The following FAM169A variants were observed in gnomAD, a reference collection of about 807,000 sequenced individuals.
FAM169A encodes family with sequence similarity 169 member A, also known as soluble lamin-associated protein of 75 kDa.
In FAM169A, 24 loss-of-function variants were observed where a neutral mutation model predicts 75.7. That is an observed-to-expected ratio of 0.32 (90% confidence interval 0.23 to 0.45). The LOEUF is 0.45. FAM169A is among the 20% of genes least tolerant of loss of function. FAM169A has a pLI of 1.00. For missense variants in FAM169A, 673 were observed against 784.0 expected (o/e 0.86, Z 1.69); for synonymous variants, 271 against 271.0 (o/e 1.00, Z 0.00).
chr5:74,852,374 A>G (rs1425183167), intron 1 of FAM169A, among the ~76,000 whole-genome samples: 1 of 152,212 alleles, frequency 6.6e-6, no homozygotes, highest in African/African-American at 2.4e-5. Flanking sequence ...TTATTTACCC[A>G]GATTCAGTAC....
intron 1 of FAM169A, among the ~76,000 whole-genome samples, chr5:74,863,558 T>G (rs1241191149): frequency 2.6e-5 from 4 of 152,246 alleles, no homozygotes; most frequent in African/African-American, 9.6e-5. Context: ...AACTCTCTTA[T>G]GTTGTACTTA....
intron 5 of FAM169A, among the ~76,000 whole-genome samples, chr5:74,826,637 A>T (rs747366085): frequency 2.7e-4 from 41 of 152,174 alleles, no homozygotes; most frequent in Non-Finnish European, 5.1e-4. Flanking sequence ...GTTGACTTTT[A>T]AAAAACTATT....
intron 6 of FAM169A, among the ~76,000 whole-genome samples, chr5:74,811,184 A>G (rs1490822713): frequency 1.3e-5 from 2 of 152,058 alleles, no homozygotes; most frequent in African/African-American, 2.4e-5. Flanking sequence ...GAATTTCACC[A>G]TGTTGGCCAG....
rs1334921286 is a variant in FAM169A at position 74,778,915 on chromosome 5, T to G, written c.*2545A>C. 6.6e-6 allele frequency: 1 copy of G among 152,100 alleles called. No individual in the cohort carries two copies. Among genetic ancestry groups the G allele is most frequent in the African/African-American group, 2.4e-5 (1 of 41,456 alleles). The allele number at this position is 152,100 out of a possible 1,614,324, so 9.4% of individuals were successfully genotyped here. On this transcript the variant is annotated 3_prime_UTR_variant, in exon 13 of 13. Coordinates refer to ENST00000687041, the MANE Select transcript of FAM169A (RefSeq NM_001376049.1). ...ATTTTTTCTAATGCCTTGCAAAAACTACAGATAACTGATTAAGTTCATGTA... is the reference window on the plus strand; with the variant it reads ...ATTTTTTCTAATGCCTTGCAAAAACGACAGATAACTGATTAAGTTCATGTA...
intron 1 of FAM169A, among the ~76,000 whole-genome samples, chr5:74,851,080 T>C (rs1238301113): frequency 6.6e-6 from 1 of 152,176 alleles, no homozygotes; most frequent in Non-Finnish European, 1.5e-5. Context: ...CACACCCAGC[T>C]AAGTTTTTTA....
At chr5:74,785,045 G>A (rs1745625992) in intron 11 of FAM169A, among the ~76,000 whole-genome samples, 1 of 152,118 alleles carries the variant, frequency 6.6e-6, no homozygotes, top group Non-Finnish European at 1.5e-5. Flanking sequence ...AAAAAGGCCA[G>A]GCACCGTGGC....
intron 6 of FAM169A, among the ~76,000 whole-genome samples, chr5:74,813,205 T>C (rs569359491): frequency 1.5e-3 from 230 of 152,166 alleles, no homozygotes; most frequent in Non-Finnish European, 2.9e-3. Context: ...GGGTTTCTTT[T>C]TGGAGTGATA....
At chr5:74,813,790 CG>C (rs1561303151) in intron 6 of FAM169A, 49 bp downstream of exon 6, 1 of 1,337,860 alleles carries the variant, frequency 7.5e-7, no homozygotes, top group African/African-American at 1.5e-5. Flanking sequence ...AGAAACAAGT[CG>C]GAAGTGACAC....
chr5:74,787,154 G>A (rs567211466), intron 11 of FAM169A, among the ~76,000 whole-genome samples: 1 of 152,314 alleles, frequency 6.6e-6, no homozygotes, highest in South Asian at 2.1e-4. Context: ...GCAGGAATCT[G>A]GAGAACAGGT....
chr5:74,825,569 A>G (rs747419185), intron 5 of FAM169A, among the ~76,000 whole-genome samples: 2 of 152,014 alleles, frequency 1.3e-5, no homozygotes, highest in Non-Finnish European at 2.9e-5. Flanking sequence ...ATCTTAGGAG[A>G]GCACAAACTC....
chr5:74,826,129 C>A (rs1190535393), intron 5 of FAM169A, among the ~76,000 whole-genome samples: 1 of 152,128 alleles, frequency 6.6e-6, no homozygotes, highest in Admixed American at 6.6e-5. Flanking sequence ...TCCTCCAACT[C>A]TATTGGATTT....
rs145981066 is a variant in FAM169A, at chr5:74,792,949, A to G, written c.1260+3081T>C. Among the ~76,000 whole-genome samples, 619 of 152,354 alleles carry G rather than the reference A, an allele frequency of 4.1e-3. 9 individuals carry two copies. Among genetic ancestry groups the G allele is most frequent in the African/African-American group, 0.014 (581 of 41,576 alleles). ...ATATGAAAAAGACACTTGCACATGC[A>G]TGTTTATAGCAGCACAATTTGCAAC... On this transcript the variant is annotated intron_variant, in intron 11 of 12. Coordinates refer to ENST00000687041, the MANE Select transcript of FAM169A (RefSeq NM_001376049.1).
rs768881317 is a variant in FAM169A, at chr5:74,813,880, C to G, written c.630G>C (p.Ala210=). The G allele has an allele frequency of 2.5e-6, 4 of 1,602,362 alleles. No individual in the cohort carries two copies. Among genetic ancestry groups the G allele is most frequent in the Non-Finnish European group, 3.4e-6 (4 of 1,176,728 alleles). The stretch of plus-strand genomic sequence containing the variant: ...AAGACAGTGGATACCGCAAGCCAAG[C>G]GCATCTTCTGTAAAGGAATCAACAA... ...EDFVDSFTED[A]LGLRYPLSSL... Residue 210 remains alanine (A), a synonymous_variant, in exon 6 of 13, where the codon GCG becomes GCC. Coordinates refer to ENST00000687041, the MANE Select transcript of FAM169A (RefSeq NM_001376049.1).
chr5:74,800,464 G>T (rs1188476619), intron 10 of FAM169A, among the ~76,000 whole-genome samples: 2 of 152,048 alleles, frequency 1.3e-5, no homozygotes, highest in African/African-American at 4.8e-5. Flanking sequence ...CAAATTCAGC[G>T]TGGTGATAAT....
intron 1 of FAM169A, among the ~76,000 whole-genome samples, chr5:74,842,698 T>C (rs1471041190): frequency 6.6e-6 from 1 of 151,922 alleles, no homozygotes; most frequent in Non-Finnish European, 1.5e-5. Context: ...GTGCCAGGAC[T>C]ATCTTGCTGG....
intron 5 of FAM169A, among the ~76,000 whole-genome samples, chr5:74,815,082 T>A (rs979406050): frequency 6.6e-6 from 1 of 152,242 alleles, no homozygotes; most frequent in Non-Finnish European, 1.5e-5. Flanking sequence ...ATGACTGAAT[T>A]GGATTACTTA....
At chr5:74,799,363 T>C (rs1746445114) in intron 10 of FAM169A, 7 of 1,611,612 alleles carry the variant, frequency 4.3e-6, no homozygotes, top group Non-Finnish European at 5.9e-6. Context: ...TTCAGTTTGT[T>C]ACTTTGAGTC....
chr5:74,865,742 C>A (rs1287344766), intron 1 of FAM169A: 1 of 152,376 alleles, frequency 6.6e-6, no homozygotes, highest in Non-Finnish European at 1.5e-5. Context: ...GCTGAAGTTC[C>A]ACACCTCCCC....
intron 11 of FAM169A, 83 bp from the exon 12 acceptor site, chr5:74,783,217 T>A: frequency 1.1e-6 from 1 of 912,370 alleles, no homozygotes; most frequent in East Asian, 2.4e-5. Flanking sequence ...CCCTTCTCAG[T>A]GCCTACCTAT....
Sources: allele counts gnomAD v4.1 joint callset (sites outside exome capture counted in the v4.1 genomes callset), GRCh38; gene constraint gnomAD v4.1.1; transcripts MANE v1.5; gene names NCBI Gene and HGNC (gene_info 2026-07-23, HGNC 2026-07-21).